Variants in KCTD21 observed in about 807,000 individuals in gnomAD.
The protein encoded by KCTD21 is potassium channel tetramerization domain containing 21, also known as BTB/POZ domain-containing protein KCTD21.
KCTD21 carries 9 observed loss-of-function variants against 13.2 expected under a neutral mutation model. That is an observed-to-expected ratio of 0.68 (90% CI 0.41 to 1.19). The LOEUF is 1.19. Ranked by LOEUF, KCTD21 falls within the 50% of genes most tolerant of loss-of-function variation. The pLI, the probability that KCTD21 is intolerant of heterozygous loss-of-function variation, is 0.01. For missense variants in KCTD21, 303 were observed against 336.5 expected (o/e 0.90, Z 0.78); for synonymous variants, 142 against 137.4 (o/e 1.03, Z -0.23).
At chr11:78,183,158 AGAAACT>A (rs1434715329) in intron 1 of KCTD21, among the ~76,000 whole-genome samples, 1 of 152,196 alleles carries the variant, frequency 6.6e-6, no homozygotes, top group African/African-American at 2.4e-5. Context: ...GGCTTCCTGG[AGAAACT>A]GATGATTCCT....
At position 78,173,834 on chromosome 11, in the gene KCTD21, A is replaced by C. The variant is rs200360563; in HGVS notation, c.721T>G (p.Ser241Ala). 92 of 1,614,192 alleles carry C rather than the reference A, an allele frequency of 5.7e-5. No homozygotes were observed. The highest frequency in any genetic ancestry group is 7.5e-5 in the Non-Finnish European group (89 of 1,180,050). Reference protein sequence around the residue: ...ALSDGFCIDSSHPHALDFMNN... With the variant: ...ALSDGFCIDSAHPHALDFMNN... ...ATAAAATCCAGAGCATGTGGGTGAGAAGAATCGATGCAGAAGCCATCGCTC... is the reference window on the plus strand; with the variant it reads ...ATAAAATCCAGAGCATGTGGGTGAGCAGAATCGATGCAGAAGCCATCGCTC... The change falls in exon 2 of 2, where the codon TCT becomes GCT. Residue 241 changes from serine (S) to alanine (A), a missense_variant. Coordinates refer to ENST00000340067, the MANE Select transcript of KCTD21 (RefSeq NM_001029859.3).
chr11:78,174,573 T>C lies in KCTD21; in HGVS notation c.-19A>G. On this transcript the variant is annotated 5_prime_UTR_variant, in exon 2 of 2. Coordinates refer to ENST00000340067, the MANE Select transcript of KCTD21 (RefSeq NM_001029859.3). Reference sequence around the variant, plus strand: ...CGGACATGGCAGGAGACTGGGTTGCTGGAAGTAGTCCTGGAGAGGGTGAGA... The same window carrying C: ...CGGACATGGCAGGAGACTGGGTTGCCGGAAGTAGTCCTGGAGAGGGTGAGA... 1 of 1,598,324 alleles carries C rather than the reference T, an allele frequency of 6.3e-7. No individual in the cohort carries two copies. The highest frequency in any genetic ancestry group is 8.5e-7 in the Non-Finnish European group (1 of 1,171,872).
intron 1 of KCTD21, among the ~76,000 whole-genome samples, chr11:78,181,559 T>C (rs1160718468): frequency 6.6e-6 from 1 of 152,218 alleles, no homozygotes. Context: ...GATGGGAATA[T>C]TCTATTAGGT....
At chr11:78,179,257 T>C (rs230657) in intron 1 of KCTD21, among the ~76,000 whole-genome samples, 93,653 of 150,946 alleles carry the variant, frequency 0.62, 29,235 homozygotes, top group African/African-American at 0.68. Flanking sequence ...AGGCCGGTCT[T>C]GGACTGACCT....
Position 78,172,777 on chromosome 11 carries a change from C to G in KCTD21, c.*995G>C, listed in dbSNP as rs944105282. 1 of 152,492 alleles carries G rather than the reference C, an allele frequency of 6.6e-6. No homozygotes were observed. The highest frequency in any genetic ancestry group is 2.4e-5 in the African/African-American group (1 of 41,412). The allele number at this position is 152,492 out of a possible 1,614,324, so 9.4% of individuals were successfully genotyped here. A position where few individuals can be genotyped will look rare whatever the true frequency, so the allele number is the denominator to read the frequency against. On this transcript the variant is annotated 3_prime_UTR_variant, in exon 2 of 2. Coordinates refer to ENST00000340067, the MANE Select transcript of KCTD21 (RefSeq NM_001029859.3). ...CAGCACTGTCCAACCACAGCAGGAGCTGCCTTGGGGATGGCGCGCTTCCTA... is the reference window on the plus strand; with the variant it reads ...CAGCACTGTCCAACCACAGCAGGAGGTGCCTTGGGGATGGCGCGCTTCCTA...
chr11:78,184,707 T>G (rs1862722198), intron 1 of KCTD21, among the ~76,000 whole-genome samples: 1 of 152,042 alleles, frequency 6.6e-6, no homozygotes, highest in Non-Finnish European at 1.5e-5. Context: ...TGACTGGATC[T>G]GATTTTAAAA....
chr11:78,178,349 C>T (rs1039636187), intron 1 of KCTD21, among the ~76,000 whole-genome samples: 4 of 152,016 alleles, frequency 2.6e-5, no homozygotes, highest in African/African-American at 7.2e-5. Context: ...AGGATGGTCT[C>T]GATCTCTTGA....
At chr11:78,178,532 C>T (rs931244285) in intron 1 of KCTD21, among the ~76,000 whole-genome samples, 3 of 152,112 alleles carry the variant, frequency 2.0e-5, no homozygotes, top group African/African-American at 4.8e-5. Context: ...TTTCATGAGT[C>T]GGCGGAGGTT....
chr11:78,186,221 A>G (rs894940406), intron 1 of KCTD21, among the ~76,000 whole-genome samples: 1 of 151,270 alleles, frequency 6.6e-6, no homozygotes, highest in African/African-American at 2.4e-5. Flanking sequence ...TAGAGAAAAA[A>G]AAAAATTAGC....
chr11:78,178,062 G>A (rs1348171351), intron 1 of KCTD21: 3 of 152,262 alleles, frequency 2.0e-5, no homozygotes, highest in African/African-American at 7.2e-5. Flanking sequence ...TCCGAGTCTA[G>A]GGTGCTCTCT....
rs1240485546 is a variant in KCTD21 at position 78,172,288 on chromosome 11, G to C, written c.*1484C>G. On this transcript the variant is annotated 3_prime_UTR_variant, in exon 2 of 2. Coordinates refer to ENST00000340067, the MANE Select transcript of KCTD21 (RefSeq NM_001029859.3). ...GACTGCAGGGGAAGGCCGCCTTCCT[G>C]AGGGCAGGGTCTTAGGGGCCGCACA... 1.3e-5 allele frequency: 2 copies of C among 152,432 alleles called. No homozygotes were observed. Among genetic ancestry groups the C allele is most frequent in the Non-Finnish European group, 2.9e-5 (2 of 68,214 alleles). The allele number at this position is 152,432 out of a possible 1,614,324, so 9.4% of individuals were successfully genotyped here. A position where few individuals can be genotyped will look rare whatever the true frequency, so the allele number is the denominator to read the frequency against.
rs1464715678 is a variant in KCTD21 at position 78,188,602 on chromosome 11, C to A, written c.-59G>T. On this transcript the variant is annotated 5_prime_UTR_variant, in exon 1 of 2. Coordinates refer to ENST00000340067, the MANE Select transcript of KCTD21 (RefSeq NM_001029859.3). ...TGCCCTCGCTCTGCAGCCTCTCCCT[C>A]CGCGAGCGGCCAGCGCAGCTTTGCG... 1 of 985,454 alleles carries A rather than the reference C, an allele frequency of 1.0e-6. No homozygotes were observed. Among genetic ancestry groups the A allele is most frequent in the East Asian group, 1.1e-4 (1 of 8,812 alleles). The allele number at this position is 985,454 out of a possible 1,614,324, so 61.0% of individuals were successfully genotyped here. A position where few individuals can be genotyped will look rare whatever the true frequency, so the allele number is the denominator to read the frequency against.
At chr11:78,188,524 C>T (rs1036834864) in intron 1 of KCTD21, 49 bp downstream of exon 1, 11 of 985,374 alleles carry the variant, frequency 1.1e-5, no homozygotes, top group Non-Finnish European at 1.3e-5. Context: ...GCCCACGTAC[C>T]CTCGCCGGTA....
At position 78,173,736 on chromosome 11, in the gene KCTD21, C is replaced by T. The variant is rs230661; in HGVS notation, c.*36G>A. The stretch of plus-strand genomic sequence containing the variant: ...CCAAGACCTGGCTGACATGAGCTTC[C>T]TGGGACTCCCCATCTCCAGTGTTGT... On this transcript the variant is annotated 3_prime_UTR_variant, in exon 2 of 2. Transcript: ENST00000340067. The T allele has an allele frequency of 0.54, 840,227 of 1,563,190 alleles. 231,090 individuals carry two copies. Among genetic ancestry groups the T allele is most frequent in the African/African-American group, 0.81 (59,943 of 73,820 alleles).
At position 78,181,361 on chromosome 11, in the gene KCTD21, T is replaced by C. The variant is rs1862614086; in HGVS notation, c.-29-6778A>G. ...CTACTAAAAGACATTACCACATACA[T>C]GAATTTCAAAAGCATTACGTCAAGT... is the stretch of plus-strand genomic sequence containing the variant. On this transcript the variant is annotated intron_variant, in intron 1 of 1. Transcript: ENST00000340067. 3.3e-5 allele frequency among the ~76,000 whole-genome samples: 5 copies of C among 152,314 alleles called. No individual in the cohort carries two copies. In the South Asian group the frequency reaches 8.3e-4, roughly 25 times the overall value.
At chr11:78,178,358 G>C (rs751688987) in intron 1 of KCTD21, among the ~76,000 whole-genome samples, 1 of 152,176 alleles carries the variant, frequency 6.6e-6, no homozygotes. Context: ...TCGATCTCTT[G>C]ACTTTGTGAT....
chr11:78,186,819 G>A (rs1862788905), intron 1 of KCTD21: 2 of 985,310 alleles, frequency 2.0e-6, no homozygotes, highest in Admixed American at 6.1e-5. Context: ...CTCTGCATCT[G>A]CGGAGAATTT....
chr11:78,186,639 C>T, intron 1 of KCTD21: 1 of 935,190 alleles, frequency 1.1e-6, no homozygotes, highest in Non-Finnish European at 1.3e-6. Flanking sequence ...ATGTTAATCT[C>T]TTTCAATCTC....
intron 1 of KCTD21, chr11:78,187,895 G>A: frequency 1.0e-6 from 1 of 985,400 alleles, no homozygotes; most frequent in Non-Finnish European, 1.2e-6. Flanking sequence ...AGTGGTTTTA[G>A]GCAAGTCCCT....
Sources: allele counts gnomAD v4.1 joint callset (sites outside exome capture counted in the v4.1 genomes callset), GRCh38; gene constraint gnomAD v4.1.1; transcripts MANE v1.5; gene names NCBI Gene and HGNC (gene_info 2026-07-23, HGNC 2026-07-21).